SRGAP1: variants seen among roughly 807,000 people sequenced by gnomAD.
SRGAP1 encodes the protein SLIT-ROBO Rho GTPase activating protein 1, also known as SLIT-ROBO Rho GTPase-activating protein 1.
Under a neutral mutation model 121.9 loss-of-function variants are expected in SRGAP1, and 43 were observed. That is an observed-to-expected ratio of 0.35 (90% CI 0.28 to 0.46). SRGAP1 has a LOEUF of 0.46. Among genes scored for constraint, SRGAP1 ranks in the 20% least tolerant of loss-of-function variants. The pLI is 1.00. For missense variants in SRGAP1, 1,102 were observed against 1,350.9 expected (o/e 0.82, Z 2.89); for synonymous variants, 447 against 485.4 (o/e 0.92, Z 1.04).
chr12:64,129,421 A>G (rs940155452), intron 21 of SRGAP1, among the ~76,000 whole-genome samples: 1 of 152,166 alleles, frequency 6.6e-6, no homozygotes, highest in Non-Finnish European at 1.5e-5. Flanking sequence ...GATGGTGCCC[A>G]TCCAGATTAA....
intron 1 of SRGAP1, among the ~76,000 whole-genome samples, chr12:63,901,269 C>A (rs1313700292): frequency 6.6e-6 from 1 of 152,186 alleles, no homozygotes; most frequent in Non-Finnish European, 1.5e-5. Flanking sequence ...AATTTCAACA[C>A]TGGATAAATC....
chr12:63,905,055 T>A (rs1422906722), intron 1 of SRGAP1, among the ~76,000 whole-genome samples: 1 of 152,072 alleles, frequency 6.6e-6, no homozygotes, highest in Non-Finnish European at 1.5e-5. Context: ...TCCAGGAAAA[T>A]TTATGTATCA....
chr12:63,950,114 T>C (rs2032240420), intron 1 of SRGAP1, among the ~76,000 whole-genome samples: 1 of 152,232 alleles, frequency 6.6e-6, no homozygotes, highest in African/African-American at 2.4e-5. Context: ...CTCTCAATCC[T>C]GTTTTGCAGC....
At chr12:63,984,962 G>C (rs939539471) in intron 2 of SRGAP1, among the ~76,000 whole-genome samples, 10 of 150,066 alleles carry the variant, frequency 6.7e-5, no homozygotes, top group African/African-American at 9.9e-5. Flanking sequence ...GTTGCAGTGA[G>C]CTGAGATTGC....
intron 4 of SRGAP1, 149 bp from the exon 5 acceptor site, chr12:64,042,641 A>G (rs2035048268): frequency 5.3e-6 from 3 of 560,814 alleles, no homozygotes; most frequent in Middle Eastern, 3.9e-4. Flanking sequence ...GCAGTAGTCC[A>G]TAATTCACTT....
chr12:63,846,911 C>T (rs1592875193), intron 1 of SRGAP1, among the ~76,000 whole-genome samples: 2 of 152,208 alleles, frequency 1.3e-5, no homozygotes, highest in Admixed American at 1.3e-4. Context: ...AGACAAATAA[C>T]AGATAAATAG....
chr12:63,846,459 G>A (rs1052234644), intron 1 of SRGAP1, among the ~76,000 whole-genome samples: 2 of 152,198 alleles, frequency 1.3e-5, no homozygotes, highest in African/African-American at 4.8e-5. Flanking sequence ...ATTGGCAAAT[G>A]CACTTCCAAA....
chr12:64,042,315 T>A (rs1341015263), intron 4 of SRGAP1, among the ~76,000 whole-genome samples: 2 of 152,186 alleles, frequency 1.3e-5, no homozygotes, highest in Non-Finnish European at 2.9e-5. Context: ...TTTTTTCAAC[T>A]AAAACTATGT....
chr12:63,937,334 A>G (rs1036880808), intron 1 of SRGAP1, among the ~76,000 whole-genome samples: 13 of 152,198 alleles, frequency 8.5e-5, no homozygotes, highest in African/African-American at 3.1e-4. Context: ...AAGTCCTTTC[A>G]TCTTGGTGAC....
chr12:63,924,106 C>T (rs1022041781), intron 1 of SRGAP1, among the ~76,000 whole-genome samples: 16 of 151,764 alleles, frequency 1.1e-4, no homozygotes, highest in East Asian at 1.9e-4. Flanking sequence ...CGTAGTGAGC[C>T]GAGATTGCAC....
chr12:64,031,509 T>C (rs2034780224), intron 4 of SRGAP1, among the ~76,000 whole-genome samples: 1 of 152,064 alleles, frequency 6.6e-6, no homozygotes, highest in African/African-American at 2.4e-5. Flanking sequence ...CCACCTCCTT[T>C]GTAGGAGTTA....
intron 1 of SRGAP1, among the ~76,000 whole-genome samples, chr12:63,891,023 C>T (rs1900560862): frequency 6.6e-6 from 1 of 152,218 alleles, no homozygotes; most frequent in Non-Finnish European, 1.5e-5. Context: ...GTTGCTGATT[C>T]TAGACACCTT....
At chr12:63,882,275 T>A (rs1372460199) in intron 1 of SRGAP1, among the ~76,000 whole-genome samples, 2 of 152,002 alleles carry the variant, frequency 1.3e-5, no homozygotes, top group African/African-American at 2.4e-5. Flanking sequence ...AATTTTGTTT[T>A]GTTTTGTTTT....
intron 14 of SRGAP1, 56 bp downstream of exon 14, chr12:64,095,260 T>A: frequency 1.3e-6 from 2 of 1,489,672 alleles, no homozygotes; most frequent in Non-Finnish European, 1.9e-6. Flanking sequence ...TCATGTTCTG[T>A]AAACTGAAGT....
intron 1 of SRGAP1, chr12:63,871,823 G>A (rs1211389681): frequency 7.2e-7 from 1 of 1,392,856 alleles, no homozygotes; most frequent in African/African-American, 1.4e-5. Flanking sequence ...GCATCCTCTT[G>A]GATCTGCAGT....
chr12:64,107,859 A>G lies in SRGAP1; in HGVS notation c.1814-1073A>G, dbSNP rs886524377. Among the ~76,000 whole-genome samples, 4 of 152,218 alleles carry G rather than the reference A, an allele frequency of 2.6e-5. No homozygotes were observed. In the East Asian group the frequency reaches 5.8e-4, roughly 22 times the overall value. On this transcript the variant is annotated intron_variant, in intron 15 of 21. Coordinates refer to ENST00000355086, the MANE Select transcript of SRGAP1 (RefSeq NM_020762.4). ...GCTTATTGGGTATCTTCAAAGTTGTACTTTGTAAAGGTACAGCTTTACAAA... is the reference window on the plus strand; with the variant it reads ...GCTTATTGGGTATCTTCAAAGTTGTGCTTTGTAAAGGTACAGCTTTACAAA...
intron 4 of SRGAP1, chr12:64,032,377 CA>C (rs2034800292): frequency 2.2e-6 from 1 of 462,418 alleles, no homozygotes. Context: ...GAGATACTTT[CA>C]TTTTTTTACA....
At chr12:64,029,685 C>A (rs188372604) in intron 4 of SRGAP1, among the ~76,000 whole-genome samples, 1 of 152,268 alleles carries the variant, frequency 6.6e-6, no homozygotes, top group East Asian at 1.9e-4. Flanking sequence ...AGATTGTTAG[C>A]AAATCATTGA....
rs1007356977 is a variant in SRGAP1 at position 64,153,329 on chromosome 12, C to T, written c.*10657C>T. The T allele has an allele frequency of 2.6e-5, 4 of 151,932 alleles. No homozygotes were observed. Among genetic ancestry groups the T allele is most frequent in the Admixed American group, 6.6e-5 (1 of 15,244 alleles). 9.4% of individuals were successfully genotyped at this position (151,932 alleles called of 1,614,324 possible). On this transcript the variant is annotated 3_prime_UTR_variant, in exon 22 of 22. Transcript: ENST00000355086. ...CCAAAGTAAGGTACTTAAAATTAGC[C>T]GGGCTTGGTGGTGCACAACTGTAAT...
Sources: allele counts gnomAD v4.1 joint callset (sites outside exome capture counted in the v4.1 genomes callset), GRCh38; gene constraint gnomAD v4.1.1; transcripts MANE v1.5; gene names NCBI Gene and HGNC (gene_info 2026-07-23, HGNC 2026-07-21).